Variants in IL1RAPL1 observed in about 807,000 individuals in gnomAD.
IL1RAPL1 encodes the protein interleukin 1 receptor accessory protein like 1, also known as interleukin-1 receptor accessory protein-like 1.
A neutral mutation model predicts 48.4 loss-of-function variants in IL1RAPL1; 3 were observed. That is an observed-to-expected ratio of 0.06 (90% CI 0.03 to 0.16). The LOEUF (loss-of-function observed/expected upper bound fraction) is 0.16. Ranked by LOEUF, IL1RAPL1 falls within the 10% of genes least tolerant of loss-of-function variation. The pLI is 1.00. For missense variants in IL1RAPL1, 349 were observed against 530.6 expected (o/e 0.66, Z 3.36); for synonymous variants, 185 against 187.7 (o/e 0.99, Z 0.12).
chrX:29,820,042 A>AGTGTT (rs1191430502), intron 6 of IL1RAPL1, among the ~76,000 whole-genome samples: 1 of 105,334 alleles, frequency 9.5e-6, no homozygotes, highest in Non-Finnish European at 1.9e-5. Flanking sequence ...TTATAATCTA[A>AGTGTT]GTGTTATATA....
intron 6 of IL1RAPL1, among the ~76,000 whole-genome samples, chrX:29,796,941 C>T (rs1430991112): frequency 8.9e-6 from 1 of 112,499 alleles, no homozygotes; most frequent in Non-Finnish European, 1.9e-5. Context: ...CTGGAAAACT[C>T]TGGCCTCTGA....
intron 5 of IL1RAPL1, among the ~76,000 whole-genome samples, chrX:29,582,364 T>C (rs1667968288): frequency 1.0e-5 from 1 of 99,890 alleles, no homozygotes; most frequent in African/African-American, 4.2e-5. Context: ...TTTTTTTATT[T>C]TTTTATTTTT....
At chrX:29,778,870 A>G (rs902589838) in intron 6 of IL1RAPL1, among the ~76,000 whole-genome samples, 6 of 112,119 alleles carry the variant, frequency 5.4e-5, no homozygotes, top group African/African-American at 1.9e-4. Context: ...TAAAACTTCA[A>G]ATTGTACAGG....
chrX:29,668,547 C>T, intron 6 of IL1RAPL1, 43 bp downstream of exon 6: 1 of 931,215 alleles, frequency 1.1e-6, no homozygotes, highest in South Asian at 2.0e-5. Flanking sequence ...GCTCTCGTTA[C>T]ATTGTGACAG....
chrX:29,697,923 C>T (rs1001480479), intron 6 of IL1RAPL1, among the ~76,000 whole-genome samples: 2 of 111,460 alleles, frequency 1.8e-5, no homozygotes, highest in Non-Finnish European at 3.8e-5. Context: ...CTTTCTAAAG[C>T]GTAATATGGA....
At chrX:29,827,414 T>C (rs1330047987) in intron 6 of IL1RAPL1, among the ~76,000 whole-genome samples, 3 of 112,108 alleles carry the variant, frequency 2.7e-5, no homozygotes, top group Non-Finnish European at 5.6e-5. Context: ...AGATACAAAG[T>C]GAGAGTTTAC....
chrX:29,711,043 G>GGTGTGT (rs768108356), intron 6 of IL1RAPL1, among the ~76,000 whole-genome samples: 789 of 69,146 alleles, frequency 0.011, 12 homozygotes, highest in African/African-American at 0.034. Context: ...CCATGAGCAT[G>GGTGTGT]GTGTGTGTGT....
At chrX:29,530,546 C>T (rs1935602023) in intron 5 of IL1RAPL1, among the ~76,000 whole-genome samples, 1 of 111,880 alleles carries the variant, frequency 8.9e-6, no homozygotes, top group Admixed American at 9.5e-5. Flanking sequence ...CGGTCATTGA[C>T]TGAGGGCTTC....
intron 5 of IL1RAPL1, among the ~76,000 whole-genome samples, chrX:29,523,986 G>T (rs1935527894): frequency 9.1e-6 from 1 of 109,811 alleles, no homozygotes; most frequent in Non-Finnish European, 1.9e-5. Context: ...CTTTCCCCTA[G>T]CTGAAACAAG....
At chrX:28,851,625 C>G (rs1197001171) in intron 2 of IL1RAPL1, among the ~76,000 whole-genome samples, 2 of 111,769 alleles carry the variant, frequency 1.8e-5, no homozygotes, top group Non-Finnish European at 3.8e-5. Context: ...ATCGAAGGAG[C>G]AGCTGAAGGT....
intron 6 of IL1RAPL1, among the ~76,000 whole-genome samples, chrX:29,853,584 A>C (rs1233693356): frequency 9.0e-6 from 1 of 111,378 alleles, no homozygotes; most frequent in Non-Finnish European, 1.9e-5. Context: ...TAACACTTGT[A>C]TTTGAAAAAG....
rs180895341 is a variant in IL1RAPL1, at chrX:29,715,442, C to T, written c.778+46938C>T. On this transcript the variant is annotated intron_variant, in intron 6 of 10. Coordinates refer to ENST00000378993, the MANE Select transcript of IL1RAPL1 (RefSeq NM_014271.4). ...GCCATTCCTCTAATCTAAATAGGAG[C>T]TTATTATTCCCTGAAGGCTCTTTGT... Among the ~76,000 whole-genome samples, 5 of 111,577 alleles carry T rather than the reference C, an allele frequency of 4.5e-5. No individual in the cohort carries two copies. In the South Asian group the frequency reaches 1.1e-3, roughly 26 times the overall value.
chrX:29,935,322 G>A (rs888549647), intron 8 of IL1RAPL1, among the ~76,000 whole-genome samples: 1 of 111,166 alleles, frequency 9.0e-6, no homozygotes, highest in African/African-American at 3.3e-5. Context: ...TAATTTTAAC[G>A]TCTATTGATA....
chrX:28,941,321 C>T (rs907249670), intron 2 of IL1RAPL1, among the ~76,000 whole-genome samples: 6 of 111,281 alleles, frequency 5.4e-5, no homozygotes, highest in African/African-American at 1.9e-4. Flanking sequence ...TGACTTATCT[C>T]TCTTGTTACA....
At chrX:28,869,156 T>A (rs1027189092) in intron 2 of IL1RAPL1, among the ~76,000 whole-genome samples, 1 of 112,465 alleles carries the variant, frequency 8.9e-6, no homozygotes, top group African/African-American at 3.2e-5. Flanking sequence ...TCAAATAGTC[T>A]TAGTTACTTT....
At chrX:29,611,362 C>A (rs747274956) in intron 5 of IL1RAPL1, among the ~76,000 whole-genome samples, 1 of 112,015 alleles carries the variant, frequency 8.9e-6, no homozygotes, top group African/African-American at 3.2e-5. Context: ...TAAACTCAAC[C>A]AATTGTCATT....
At chrX:28,883,890 T>C (rs900398723) in intron 2 of IL1RAPL1, among the ~76,000 whole-genome samples, 5 of 112,203 alleles carry the variant, frequency 4.5e-5, no homozygotes, top group African/African-American at 1.6e-4. Flanking sequence ...TTTTTACATA[T>C]CTTAGAAGTG....
chrX:28,893,757 C>T (rs983056629), intron 2 of IL1RAPL1, among the ~76,000 whole-genome samples: 3 of 111,437 alleles, frequency 2.7e-5, no homozygotes, highest in South Asian at 3.8e-4. Flanking sequence ...GACGGGCTAG[C>T]GGCTTGTAAC....
intron 5 of IL1RAPL1, among the ~76,000 whole-genome samples, chrX:29,545,654 C>G (rs995767467): frequency 8.9e-6 from 1 of 112,142 alleles, no homozygotes; most frequent in African/African-American, 3.2e-5. Context: ...TTTTGCTCTG[C>G]GTTAAATGTT....
Sources: gnomAD v4.1 joint callset for allele counts (sites outside exome capture counted in the v4.1 genomes callset) on GRCh38, gnomAD v4.1.1 for gene constraint, MANE v1.5 for transcripts, NCBI Gene and HGNC (gene_info 2026-07-23, HGNC 2026-07-21) for gene names.